ANKRD11: variants seen among roughly 807,000 people sequenced by gnomAD.
ANKRD11 encodes the protein ankyrin repeat domain 11.
A neutral mutation model predicts 195.7 loss-of-function variants in ANKRD11; 17 were observed. That is an observed-to-expected ratio of 0.09 (90% CI 0.06 to 0.13). The LOEUF is 0.13. ANKRD11 is among the 10% of genes least tolerant of loss of function. The probability of loss-of-function intolerance (pLI) is 1.00; values close to 1 mark genes in which losing one functional copy is unlikely to be tolerated. For synonymous variants in ANKRD11, 1,953 were observed against 1,528.1 expected, an observed-to-expected ratio of 1.28 and a Z score of -6.49; for missense variants, 3,735 against 3,566.1, an observed-to-expected ratio of 1.05 and a Z score of -1.21.
At chr16:89,427,149 A>T (rs1013745037) in intron 1 of ANKRD11, among the ~76,000 whole-genome samples, 6 of 152,268 alleles carry the variant, frequency 3.9e-5, no homozygotes, top group Non-Finnish European at 8.8e-5. Context: ...AAAAAGATTA[A>T]GGAAACATTT....
At chr16:89,350,532 A>G (rs560060203) in intron 2 of ANKRD11, among the ~76,000 whole-genome samples, 1 of 152,348 alleles carries the variant, frequency 6.6e-6, no homozygotes, top group African/African-American at 2.4e-5. Flanking sequence ...GGAAGATGAA[A>G]CACACCAGAC....
Position 89,327,499 on chromosome 16 carries a change from A to C in ANKRD11, c.-59-10421T>G, listed in dbSNP as rs556245393. Among the ~76,000 whole-genome samples, 9 of 152,336 alleles carry C rather than the reference A, an allele frequency of 5.9e-5. No homozygotes were observed. The South Asian group carries it at 6.2e-4, about 11-fold the overall frequency. ...AGGAATCTATCAAAAATTCCAAGAAACTTTATTTAATAGAGTTCAGCAAGG... is the reference window on the plus strand; with the variant it reads ...AGGAATCTATCAAAAATTCCAAGAACCTTTATTTAATAGAGTTCAGCAAGG... On this transcript the variant is annotated intron_variant, in intron 2 of 12. Coordinates refer to ENST00000301030, the MANE Select transcript of ANKRD11 (RefSeq NM_013275.6).
At chr16:89,411,897 C>G (rs1051010228) in intron 2 of ANKRD11, among the ~76,000 whole-genome samples, 8 of 151,722 alleles carry the variant, frequency 5.3e-5, no homozygotes, top group African/African-American at 1.7e-4. Context: ...CATGTTCCAT[C>G]CCTCCCCTCA....
intron 1 of ANKRD11, among the ~76,000 whole-genome samples, chr16:89,488,451 T>C (rs978331436): frequency 1.4e-4 from 18 of 130,508 alleles, no homozygotes; most frequent in East Asian, 8.8e-4. Flanking sequence ...CCCCCCCCCC[T>C]TTTTTTCTAG....
chr16:89,405,299 C>T (rs919575172), intron 2 of ANKRD11, among the ~76,000 whole-genome samples: 4 of 152,144 alleles, frequency 2.6e-5, no homozygotes, highest in Non-Finnish European at 5.9e-5. Context: ...CTGTAGGGCA[C>T]ATTTGCAAAA....
chr16:89,468,785 T>A (rs920910448), intron 1 of ANKRD11, among the ~76,000 whole-genome samples: 1 of 152,138 alleles, frequency 6.6e-6, no homozygotes, highest in African/African-American at 2.4e-5. Context: ...GCAGCCCCAA[T>A]GGCCAGCCTG....
chr16:89,407,852 CA>C lies in ANKRD11; in HGVS notation c.-60+10431del, dbSNP rs60723753. Among the ~76,000 whole-genome samples the C allele has an allele frequency of 2.9e-3, 320 of 111,422 alleles. 1 individual carries two copies. Among genetic ancestry groups the C allele is most frequent in the African/African-American group, 7.7e-3 (232 of 30,238 alleles). 73.1% of individuals were successfully genotyped at this position (111,422 alleles called of 152,430 possible). On this transcript the variant is annotated intron_variant, in intron 2 of 12. Coordinates refer to ENST00000301030, the MANE Select transcript of ANKRD11 (RefSeq NM_013275.6). The stretch of plus-strand genomic sequence containing the variant: ...GTGAGAGTCAGATCCTGTCTCCCTC[CA>C]AAAAAAAAAAAAAAAAAAAAGAAGA...
intron 2 of ANKRD11, among the ~76,000 whole-genome samples, chr16:89,350,037 C>T (rs577495650): frequency 6.6e-6 from 1 of 152,266 alleles, no homozygotes; most frequent in East Asian, 1.9e-4. Context: ...AAGACACATG[C>T]TTCACCAAAG....
chr16:89,317,917 C>T (rs1287792835), intron 2 of ANKRD11, among the ~76,000 whole-genome samples: 5 of 152,178 alleles, frequency 3.3e-5, no homozygotes, highest in Admixed American at 3.3e-4. Context: ...CACGCCCAGG[C>T]CAAGCCCTGC....
chr16:89,391,335 G>A (rs1208380233), intron 2 of ANKRD11, among the ~76,000 whole-genome samples: 2 of 152,136 alleles, frequency 1.3e-5, no homozygotes, highest in Non-Finnish European at 2.9e-5. Flanking sequence ...GGCTTGCGGT[G>A]GGTGCTGGAG....
chr16:89,463,702 A>C (rs1029857466), intron 1 of ANKRD11, among the ~76,000 whole-genome samples: 2 of 151,948 alleles, frequency 1.3e-5, no homozygotes, highest in Non-Finnish European at 2.9e-5. Flanking sequence ...AAAAAGCCTC[A>C]CACTGGATAA....
At chr16:89,294,670 C>CA (rs1461921347) in intron 4 of ANKRD11, among the ~76,000 whole-genome samples, 1 of 152,334 alleles carries the variant, frequency 6.6e-6, no homozygotes, top group Middle Eastern at 3.4e-3. Context: ...CCAGCGACAC[C>CA]ATGGTCTGAG....
In ANKRD11 at chr16:89,283,737, C is replaced by A; in HGVS notation, c.2805G>T (p.Ser935=). The A allele has an allele frequency of 6.2e-7, 1 of 1,613,448 alleles. No individual in the cohort carries two copies. Among genetic ancestry groups the A allele is most frequent in the Non-Finnish European group, 8.5e-7 (1 of 1,179,722 alleles). ...EKHKSVPGYL[S]EKDKKRRESA... ...ACTCTCTCCTCTTCTTGTCCTTTTC[C>A]GAAAGGTAGCCAGGGACACTTTTAT... Residue 935 remains serine, a synonymous_variant, in exon 9 of 13, where the codon TCG becomes TCT. Transcript: ENST00000301030. This position sits in a 1 kb window ranked among gnomAD's most constrained non-coding sequence, Gnocchi z 4.3.
chr16:89,278,673 G>A (rs538637096), intron 9 of ANKRD11: 12 of 473,800 alleles, frequency 2.5e-5, no homozygotes, highest in South Asian at 1.9e-4. Context: ...ACCCACGCGG[G>A]TCCAAGGGAG....
At chr16:89,324,201 C>T (rs1410095355) in intron 2 of ANKRD11, 8 of 1,182,342 alleles carry the variant, frequency 6.8e-6, no homozygotes, top group East Asian at 6.3e-5. Flanking sequence ...ACCGAGAGCG[C>T]GTTCAGCATT....
In ANKRD11 at chr16:89,402,354, G is replaced by C. The variant is rs924296632; in HGVS notation, c.-60+15930C>G. Among the ~76,000 whole-genome samples the C allele has an allele frequency of 3.3e-5, 5 of 152,210 alleles. No individual in the cohort carries two copies. The East Asian group carries it at 9.6e-4, about 29-fold the overall frequency. On this transcript the variant is annotated intron_variant, in intron 2 of 12. Transcript: ENST00000301030. ...TCCTAACCTTAGCCAGCCACAATAAGGTATCTGGGATTGAGCGCTTATTTA... is the reference window on the plus strand; with the variant it reads ...TCCTAACCTTAGCCAGCCACAATAACGTATCTGGGATTGAGCGCTTATTTA...
intron 2 of ANKRD11, among the ~76,000 whole-genome samples, chr16:89,322,158 G>A (rs569570605): frequency 3.9e-5 from 6 of 152,236 alleles, no homozygotes; most frequent in South Asian, 2.1e-4. Context: ...GGAGGCTGGC[G>A]CCCCCAACCC....
chr16:89,286,521 G>T, intron 7 of ANKRD11: 1 of 561,156 alleles, frequency 1.8e-6, no homozygotes, highest in Non-Finnish European at 2.8e-6. Context: ...ATCTTCTCAC[G>T]AAGGCTCTCC....
intron 2 of ANKRD11, among the ~76,000 whole-genome samples, chr16:89,366,036 G>A (rs2039933804): frequency 6.8e-6 from 1 of 148,006 alleles, no homozygotes; most frequent in Non-Finnish European, 1.5e-5. Flanking sequence ...CAAAAGACAT[G>A]ATCTGATCAC....
Sources: gnomAD v4.1 joint callset for allele counts (sites outside exome capture counted in the v4.1 genomes callset) on GRCh38, gnomAD v4.1.1 for gene constraint, Gnocchi (gnomAD v3.1) non-coding constraint, MANE v1.5 for transcripts, NCBI Gene and HGNC (gene_info 2026-07-23, HGNC 2026-07-21) for gene names.